The following TAB3 variants were observed in gnomAD, a reference collection of about 807,000 sequenced individuals.
The protein encoded by TAB3 is TGF-beta activated kinase 1 (MAP3K7) binding protein 3, also known as TGF-beta-activated kinase 1 and MAP3K7-binding protein 3.
Under a neutral mutation model 48.1 loss-of-function variants are expected in TAB3, and 18 were observed. The observed-to-expected ratio is 0.37, with a 90% CI of 0.26 to 0.55. The LOEUF is 0.55. Among genes scored for constraint, TAB3 ranks in the 20% least tolerant of loss-of-function variants. The pLI is 0.78. For synonymous variants in TAB3, 185 were observed against 190.2 expected (o/e 0.97, Z 0.22); for missense variants, 414 against 549.8 (o/e 0.75, Z 2.47).
chrX:30,830,634 C>T lies in TAB3; in HGVS notation c.*793G>A, dbSNP rs1937996588. The stretch of plus-strand genomic sequence containing the variant: ...TTGTAAGGACTTGTTATTTTGAAAA[C>T]CAATGGCCTTAATAAAAACATGCAG... On this transcript the variant is annotated 3_prime_UTR_variant, in exon 11 of 11. Transcript: ENST00000288422. The T allele has an allele frequency of 8.9e-6, 1 of 111,862 alleles. No homozygotes were observed. The allele number at this position is 111,862 out of a possible 1,213,427, so 9.2% of individuals were successfully genotyped here.
At position 30,852,816 on chromosome X, in the gene TAB3, G is replaced by A; in HGVS notation, c.1672C>T (p.Arg558Trp). ...GTGGTGCAGCTGACTCTTCTGAGCC[G>A]TCTCTGCATCAGGTCATGCTCCATA... ...NGMEHDLMQR[R>W]LRRVSCTTAI... The change falls in exon 7 of 11, where the codon CGG becomes TGG. Residue 558 changes from arginine to tryptophan, a missense_variant. Arg to Trp is a moderately radical substitution (Grantham distance 101). Transcript: ENST00000288422. 1 of 1,211,026 alleles carries A rather than the reference G, an allele frequency of 8.3e-7. No homozygotes were observed. The highest frequency in any genetic ancestry group is 1.1e-6 in the Non-Finnish European group (1 of 895,171).
chrX:30,878,594 G>A (rs766161878), intron 1 of TAB3, among the ~76,000 whole-genome samples: 22 of 110,175 alleles, frequency 2.0e-4, no homozygotes, highest in Non-Finnish European at 4.2e-4. Context: ...ACAGAGATAC[G>A]ATACAATTAC....
At chrX:30,866,787 G>A (rs1364295943) in intron 4 of TAB3, among the ~76,000 whole-genome samples, 1 of 107,331 alleles carries the variant, frequency 9.3e-6, no homozygotes, top group African/African-American at 3.4e-5. Flanking sequence ...CCTCAAGGAG[G>A]TGGAGCATAA....
At chrX:30,850,542 C>T (rs1223955847) in intron 7 of TAB3, among the ~76,000 whole-genome samples, 1 of 109,139 alleles carries the variant, frequency 9.2e-6, no homozygotes, top group Admixed American at 9.8e-5. Context: ...GAAACCCCGT[C>T]TCTACTAAAG....
chrX:30,884,226 G>C (rs1169020150), intron 1 of TAB3, among the ~76,000 whole-genome samples: 1 of 111,615 alleles, frequency 9.0e-6, no homozygotes, highest in Non-Finnish European at 1.9e-5. Context: ...TATCATCTTC[G>C]AAAGTAGCTA....
intron 10 of TAB3, among the ~76,000 whole-genome samples, chrX:30,831,923 T>C (rs1938043326): frequency 8.9e-6 from 1 of 112,183 alleles, no homozygotes; most frequent in Non-Finnish European, 1.9e-5. Flanking sequence ...CTGTCGCCTC[T>C]GTAAGTTTTC....
In TAB3 at chrX:30,868,605, AGAGAGAGAGAGAGC is replaced by A. The variant is rs1191351419; in HGVS notation, c.-279-1070_-279-1057del. The stretch of plus-strand genomic sequence containing the variant: ...TATATATAGAGAGAGAGAGAGAGAG[AGAGAGAGAGAGAGC>A]GCGTGGGGGGGAGAGACAGAGAGAG... On this transcript the variant is annotated intron_variant, in intron 2 of 10. Coordinates refer to ENST00000288422, the MANE Select transcript of TAB3 (RefSeq NM_152787.5). 3.2e-4 allele frequency among the ~76,000 whole-genome samples: 23 copies of A among 72,889 alleles called. 5 individuals carry two copies. The highest frequency in any genetic ancestry group is 8.1e-4 in the African/African-American group (15 of 18,626). The allele number at this position is 72,889 out of a possible 115,157, so 63.3% of individuals were successfully genotyped here.
chrX:30,870,237 G>T (rs1235544801), intron 2 of TAB3, among the ~76,000 whole-genome samples: 1 of 112,211 alleles, frequency 8.9e-6, no homozygotes, highest in East Asian at 2.8e-4. Context: ...CCTATAGGAG[G>T]CTCCTGCCTT....
intron 1 of TAB3, among the ~76,000 whole-genome samples, chrX:30,882,319 T>G (rs935393487): frequency 8.9e-6 from 1 of 112,587 alleles, no homozygotes; most frequent in African/African-American, 3.2e-5. Flanking sequence ...TCCAATTCAT[T>G]TCAATTAGCT....
rs1937970562 is a variant in TAB3, at chrX:30,829,711, A to G, written c.*1716T>C. 1.8e-5 allele frequency: 2 copies of G among 111,171 alleles called. No homozygotes were observed. Among genetic ancestry groups the G allele is most frequent in the Non-Finnish European group, 3.8e-5 (2 of 53,018 alleles). 9.2% of individuals were successfully genotyped at this position (111,171 alleles called of 1,213,427 possible). On this transcript the variant is annotated 3_prime_UTR_variant, in exon 11 of 11. Transcript: ENST00000288422. ...TTTCACATATGAAAAAATGTTTTCA[A>G]AGCTGTAGGCAGAGTGTGAAATGAT...
At chrX:30,883,153 TA>T (rs1345098916) in intron 1 of TAB3, among the ~76,000 whole-genome samples, 2 of 111,012 alleles carry the variant, frequency 1.8e-5, no homozygotes, top group Non-Finnish European at 3.8e-5. Context: ...CTAAACCCCT[TA>T]AAAAATACTT....
At chrX:30,836,006 A>G (rs1167654418) in intron 9 of TAB3, 1 of 112,168 alleles carries the variant, frequency 8.9e-6, no homozygotes. Flanking sequence ...AACTATATGT[A>G]CTTTTAGAAA....
intron 7 of TAB3, among the ~76,000 whole-genome samples, chrX:30,848,921 GGAAGAATGGGGGGGAATAACTT>G (rs1476655413): frequency 9.2e-6 from 1 of 109,157 alleles, no homozygotes; most frequent in African/African-American, 3.4e-5. Context: ...AATTAGAACA[GGAAGAATGGGGGGGAATAACTT>G]GAGGGAGGGG....
Position 30,831,592 on chromosome X carries a change from T to TTA in TAB3, c.1991-19_1991-18dup. 2 of 1,203,093 alleles carry TTA rather than the reference T, an allele frequency of 1.7e-6. No individual in the cohort carries two copies. The highest frequency in any genetic ancestry group is 2.2e-6 in the Non-Finnish European group (2 of 890,745). On this transcript the variant is annotated splice_polypyrimidine_tract_variant and intron_variant, in intron 10 of 10. Transcript: ENST00000288422. ...TTCGATGCTCTGAGGGAGGTTAGGA[T>TTA]TAAGGGGGAGGGGGAAGGTAAATAG...
chrX:30,862,904 T>C (rs1319238693), intron 4 of TAB3, among the ~76,000 whole-genome samples: 1 of 111,906 alleles, frequency 8.9e-6, no homozygotes, highest in African/African-American at 3.3e-5. Flanking sequence ...AGGTGTGTGG[T>C]GAGGTGGAAG....
intron 6 of TAB3, 125 bp from the exon 7 acceptor site, chrX:30,853,063 C>G (rs1938918552): frequency 3.0e-6 from 2 of 660,153 alleles, no homozygotes; most frequent in Non-Finnish European, 4.5e-6. Flanking sequence ...ACTCTCATGT[C>G]TTTCTAATGC....
At chrX:30,838,252 A>G (rs769138074) in intron 9 of TAB3, among the ~76,000 whole-genome samples, 4 of 111,851 alleles carry the variant, frequency 3.6e-5, no homozygotes, top group Non-Finnish European at 7.5e-5. Flanking sequence ...TGAGGCTGCA[A>G]TGAGCTATTT....
intron 10 of TAB3, among the ~76,000 whole-genome samples, chrX:30,831,888 G>T (rs781001543): frequency 8.9e-6 from 1 of 112,097 alleles, no homozygotes; most frequent in Non-Finnish European, 1.9e-5. Flanking sequence ...AAGAAAAAGA[G>T]AAATGTTTTA....
intron 1 of TAB3, among the ~76,000 whole-genome samples, chrX:30,882,612 C>T (rs756662403): frequency 2.7e-5 from 3 of 111,795 alleles, no homozygotes. Context: ...CGAGTATGTG[C>T]AGAAAACTTA....
Sources: allele counts gnomAD v4.1 joint callset (sites outside exome capture counted in the v4.1 genomes callset), GRCh38; gene constraint gnomAD v4.1.1; transcripts MANE v1.5; gene names NCBI Gene and HGNC (gene_info 2026-07-23, HGNC 2026-07-21).